The following TRIM26 variants were observed in gnomAD, a reference collection of about 807,000 sequenced individuals.
The protein encoded by TRIM26 is tripartite motif-containing protein 26.
In TRIM26, 16 loss-of-function variants were observed where a neutral mutation model predicts 45.5. That is an observed-to-expected ratio of 0.35 (90% CI 0.24 to 0.53). TRIM26 has a LOEUF of 0.53. Among genes scored for constraint, TRIM26 ranks in the 20% least tolerant of loss-of-function variants. The pLI, the probability that TRIM26 is intolerant of heterozygous loss-of-function variation, is 0.92. For synonymous variants in TRIM26, 273 were observed against 290.4 expected, an observed-to-expected ratio of 0.94 and a Z score of 0.61; for missense variants, 442 against 691.1, an observed-to-expected ratio of 0.64 and a Z score of 4.04.
Position 30,196,458 on chromosome 6 carries a change from G to A in TRIM26, c.765+58C>T. On this transcript the variant is annotated intron_variant, in intron 6 of 9. Transcript: ENST00000454678. The surrounding 1 kb of genome is among the most constrained non-coding windows in gnomAD (Gnocchi z 4.9). ...TCTTCTAAGGTCCTGCAAGTGAATG[G>A]CAGGGCTGGGACCCACCGTCCTGGT... 1 of 1,537,550 alleles carries A rather than the reference G, an allele frequency of 6.5e-7. No individual in the cohort carries two copies.
In TRIM26 at chr6:30,198,915, C is replaced by T. The variant is rs776984412; in HGVS notation, c.189G>A (p.Glu63=). The T allele has an allele frequency of 2.1e-5, 34 of 1,612,904 alleles. No homozygotes were observed. Among genetic ancestry groups the T allele is most frequent in the Non-Finnish European group, 2.8e-5 (33 of 1,179,928 alleles). The part of the protein sequence containing the change: ...CPLCKKPFKK[E]NIRPVWQLAS... The stretch of plus-strand genomic sequence containing the variant: ...CCAGTTGCCACACGGGTCGGATGTT[C>T]TCCTTCTTAAAAGGCTTCTTGCAGA... Residue 63 remains glutamate (E), a synonymous_variant, in exon 4 of 10, where the codon GAG becomes GAA. Transcript: ENST00000454678. This position sits in a 1 kb window ranked among gnomAD's most constrained non-coding sequence, Gnocchi z 6.3.
rs749945052 is a variant in TRIM26 at position 30,189,453 on chromosome 6, A to C, written c.869T>G (p.Leu290Arg). ...CCTCAGGCCTCGTTGCAGAGAGAGG[A>C]GTTTATCTGAGAATTCTCCGGTCTT... The part of the protein sequence containing the change: ...KKKTGEFSDK[L>R]LSLQRGLREF... Residue 290 changes from leucine to arginine, a missense_variant, in exon 8 of 10, where the codon CTC becomes CGC. Transcript: ENST00000454678. The surrounding 1 kb of genome is among the most constrained non-coding windows in gnomAD (Gnocchi z 5.0). 1.4e-5 allele frequency: 22 copies of C among 1,612,700 alleles called. No individual in the cohort carries two copies. Among genetic ancestry groups the C allele is most frequent in the Non-Finnish European group, 1.8e-5 (21 of 1,179,996 alleles).
intron 2 of TRIM26, among the ~76,000 whole-genome samples, chr6:30,202,779 A>G (rs1400016069): frequency 6.6e-6 from 1 of 152,238 alleles, no homozygotes; most frequent in African/African-American, 2.4e-5. Flanking sequence ...CCATAAGGAA[A>G]GAACCAGATA....
chr6:30,196,624 C>T lies in TRIM26; in HGVS notation c.657G>A (p.Glu219=). ...CCCGGCTCTTGAACTTCTCCCTGCC[C>T]TCCGTGAGCTCCTGCTCCAGCTTCG... The part of the protein sequence containing the change: ...QLAKLEQELT[E]GREKFKSRGV... The change falls in exon 6 of 10, where the codon GAG becomes GAA. Residue 219 remains glutamate, a synonymous_variant. Transcript: ENST00000454678. This position sits in a 1 kb window ranked among gnomAD's most constrained non-coding sequence, Gnocchi z 4.9. The T allele has an allele frequency of 6.2e-7, 1 of 1,614,098 alleles. No individual in the cohort carries two copies. The highest frequency in any genetic ancestry group is 1.7e-5 in the Admixed American group (1 of 60,026).
chr6:30,193,228 C>T (rs1477852954), intron 6 of TRIM26, among the ~76,000 whole-genome samples: 1 of 135,630 alleles, frequency 7.4e-6, no homozygotes, highest in Non-Finnish European at 1.5e-5. Context: ...ATTGCCCAGG[C>T]TGGAATGCAG....
intron 1 of TRIM26, among the ~76,000 whole-genome samples, 187 bp from the exon 2 acceptor site, chr6:30,204,952 C>T (rs1777576665): frequency 6.6e-6 from 1 of 151,986 alleles, no homozygotes; most frequent in African/African-American, 2.4e-5. Flanking sequence ...CTTCAATAAA[C>T]CAGAAGCGGC....
rs1014764777 is a variant in TRIM26, at chr6:30,189,236, G to A, written c.905-37C>T. 30 of 1,612,754 alleles carry A rather than the reference G, an allele frequency of 1.9e-5. No individual in the cohort carries two copies. The highest frequency in any genetic ancestry group is 2.7e-5 in the African/African-American group (2 of 74,898). On this transcript the variant is annotated intron_variant, in intron 8 of 9. Transcript: ENST00000454678. This position sits in a 1 kb window ranked among gnomAD's most constrained non-coding sequence, Gnocchi z 5.0. ...AAAGGACAGCAATGACTCAAGTCCC[G>A]AAAATTTATGAGCCCATTTCTTGCT... is the stretch of plus-strand genomic sequence containing the variant.
intron 9 of TRIM26, chr6:30,188,555 T>C (rs1581652645): frequency 8.3e-6 from 2 of 241,704 alleles, no homozygotes; most frequent in South Asian, 1.6e-4. Context: ...TCAGTTCTGC[T>C]ATGGGATTTT....
Position 30,186,026 on chromosome 6 carries a change from G to A in TRIM26, c.1470C>T (p.Gly490=), listed in dbSNP as rs2127477489. ...TGCCCCCTTCATAATCCAGGGCGAT[G>A]CCCACTCTCCGGGGCCGCAGTGCTG... is the stretch of plus-strand genomic sequence containing the variant. The part of the protein sequence containing the change: ...LFPALRPRRV[G]IALDYEGGTV... The change falls in exon 10 of 10, where the codon GGC becomes GGT. Residue 490 remains glycine, a synonymous_variant. Transcript: ENST00000454678. The surrounding 1 kb of genome is among the most constrained non-coding windows in gnomAD (Gnocchi z 7.4). 2 of 1,609,230 alleles carry A rather than the reference G, an allele frequency of 1.2e-6. No individual in the cohort carries two copies. Among genetic ancestry groups the A allele is most frequent in the East Asian group, 4.5e-5 (2 of 44,722 alleles).
chr6:30,193,180 A>T (rs41264770), intron 6 of TRIM26, among the ~76,000 whole-genome samples: 1,497 of 47,170 alleles, frequency 0.032, 89 homozygotes, highest in Non-Finnish European at 0.036. Flanking sequence ...ATATATATAT[A>T]TATTTTTTTT....
At chr6:30,208,808 C>T (rs185606584) in intron 1 of TRIM26, among the ~76,000 whole-genome samples, 1 of 152,164 alleles carries the variant, frequency 6.6e-6, no homozygotes, top group Admixed American at 6.5e-5. Flanking sequence ...GTAGTCTGCT[C>T]AGCAGGCTAT....
chr6:30,189,334 G>A lies in TRIM26; in HGVS notation c.904+84C>T. The A allele has an allele frequency of 1.3e-6, 2 of 1,568,370 alleles. No homozygotes were observed. Among genetic ancestry groups the A allele is most frequent in the Non-Finnish European group, 1.8e-6 (2 of 1,139,790 alleles). ...CCCTCAGAAGAGTGAGGATCGACAA[G>A]GTGATGGAAAGGAGCTGGGTGCGCT... On this transcript the variant is annotated intron_variant, in intron 8 of 9. Coordinates refer to ENST00000454678, the MANE Select transcript of TRIM26 (RefSeq NM_003449.5). This position sits in a 1 kb window ranked among gnomAD's most constrained non-coding sequence, Gnocchi z 5.0.
chr6:30,204,191 G>T (rs1313256794), intron 2 of TRIM26, among the ~76,000 whole-genome samples: 5 of 152,170 alleles, frequency 3.3e-5, no homozygotes, highest in African/African-American at 9.7e-5. Flanking sequence ...GGCTCAGCAG[G>T]GTTAAGCAAC....
intron 1 of TRIM26, among the ~76,000 whole-genome samples, chr6:30,210,856 C>A (rs960340393): frequency 3.3e-5 from 5 of 152,186 alleles, no homozygotes; most frequent in Admixed American, 6.5e-5. Context: ...CTACTCAGAA[C>A]AATGCACATC....
At chr6:30,187,781 G>A in intron 9 of TRIM26, 1 of 179,594 alleles carries the variant, frequency 5.6e-6, no homozygotes, top group South Asian at 1.1e-4. Flanking sequence ...AGCCGGGCAT[G>A]GTGGTGGGCA....
rs992494644 is a variant in TRIM26, at chr6:30,198,356, G to A, written c.534+73C>T. The A allele has an allele frequency of 1.2e-5, 19 of 1,544,162 alleles. No homozygotes were observed. Among genetic ancestry groups the A allele is most frequent in the African/African-American group, 2.7e-5 (2 of 73,314 alleles). On this transcript the variant is annotated intron_variant, in intron 5 of 9. Coordinates refer to ENST00000454678, the MANE Select transcript of TRIM26 (RefSeq NM_003449.5). The surrounding 1 kb of genome is among the most constrained non-coding windows in gnomAD (Gnocchi z 6.3). ...CGCCTAGAAACACCTCCCAGCTGCC[G>A]CCTACTTGCCCAGGCTCACCCTGCC...
At chr6:30,193,162 G>A (rs9261552) in intron 6 of TRIM26, among the ~76,000 whole-genome samples, 19,512 of 31,050 alleles carry the variant, frequency 0.63, 6,032 homozygotes, top group South Asian at 0.81. Flanking sequence ...GTGTGTGTGT[G>A]TATATATATA....
chr6:30,200,012 T>C (rs184881739), intron 3 of TRIM26, among the ~76,000 whole-genome samples: 87 of 152,280 alleles, frequency 5.7e-4, no homozygotes, highest in African/African-American at 2.0e-3. Context: ...TGGCTCACCC[T>C]GTAAATCCAA....
chr6:30,208,240 T>C (rs779309123), intron 1 of TRIM26, among the ~76,000 whole-genome samples: 2 of 152,140 alleles, frequency 1.3e-5, no homozygotes, highest in Non-Finnish European at 1.5e-5. Context: ...GGTAGTAAAT[T>C]GGTAGAGAGA....
Sources: allele counts gnomAD v4.1 joint callset (sites outside exome capture counted in the v4.1 genomes callset), GRCh38; gene constraint gnomAD v4.1.1; non-coding constraint Gnocchi (gnomAD v3.1); transcripts MANE v1.5; gene names NCBI Gene and HGNC (gene_info 2026-07-23, HGNC 2026-07-21).